Variants in HNF4G observed in about 807,000 individuals in gnomAD.
The protein encoded by HNF4G is hepatocyte nuclear factor 4-gamma.
A neutral mutation model predicts 50.9 loss-of-function variants in HNF4G; 21 were observed. The observed-to-expected ratio is 0.41, with a 90% CI of 0.29 to 0.59. The LOEUF (loss-of-function observed/expected upper bound fraction) is 0.59, where lower values mean the gene tolerates loss of function less well. HNF4G is among the 20% of genes least tolerant of loss of function. The pLI, the probability that HNF4G is intolerant of heterozygous loss-of-function variation, is 0.26. For missense variants in HNF4G, 527 were observed against 559.4 expected, an observed-to-expected ratio of 0.94 and a Z score of 0.58; for synonymous variants, 198 against 185.6, an observed-to-expected ratio of 1.07 and a Z score of -0.54.
At chr8:75,531,685 A>G (rs942394721) in intron 2 of HNF4G, among the ~76,000 whole-genome samples, 1 of 152,116 alleles carries the variant, frequency 6.6e-6, no homozygotes, top group Non-Finnish European at 1.5e-5. Flanking sequence ...GAAAAATAAT[A>G]AAATAATACA....
In HNF4G at chr8:75,466,406, T is replaced by C. The variant is rs1811973008; in HGVS notation, c.-143-23683T>C. 3.3e-5 allele frequency among the ~76,000 whole-genome samples: 5 copies of C among 152,114 alleles called. No homozygotes were observed. In the South Asian group the frequency reaches 1.0e-3, roughly 32 times the overall value. ...GTTTTATTAGACTGTGCTGCTGAATTTTACCTTCTATGGCATTTTTTTCAG... is the reference window on the plus strand; with the variant it reads ...GTTTTATTAGACTGTGCTGCTGAATCTTACCTTCTATGGCATTTTTTTCAG... On this transcript the variant is annotated intron_variant, in intron 1 of 10. Coordinates refer to the HNF4G transcript ENST00000354370.
chr8:75,434,662 AAAC>A (rs1017791544), intron 1 of HNF4G, among the ~76,000 whole-genome samples: 9 of 150,060 alleles, frequency 6.0e-5, no homozygotes, highest in Non-Finnish European at 1.0e-4. Flanking sequence ...TCCAGAACAC[AAAC>A]AACAAGGCCA....
intron 1 of HNF4G, among the ~76,000 whole-genome samples, chr8:75,413,472 G>A (rs1294705274): frequency 6.6e-6 from 1 of 151,538 alleles, no homozygotes; most frequent in African/African-American, 2.4e-5. Context: ...TAAGATGAAG[G>A]AGTGAGAGAG....
chr8:75,553,753 AC>A (rs1807036088), intron 5 of HNF4G, among the ~76,000 whole-genome samples: 1 of 152,132 alleles, frequency 6.6e-6, no homozygotes, highest in Non-Finnish European at 1.5e-5. Flanking sequence ...AAAAAGAAAA[AC>A]ATCTGTAGAA....
chr8:75,517,888 A>G (rs563011791), intron 2 of HNF4G, among the ~76,000 whole-genome samples: 3 of 152,074 alleles, frequency 2.0e-5, no homozygotes, highest in South Asian at 2.1e-4. Flanking sequence ...GAAGTTCTCC[A>G]TGAGGGTTCC....
chr8:75,415,995 C>T (rs1010438006), intron 1 of HNF4G, among the ~76,000 whole-genome samples: 1 of 152,054 alleles, frequency 6.6e-6, no homozygotes, highest in African/African-American at 2.4e-5. Flanking sequence ...GAATGGTTCA[C>T]AAAAATTTCA....
intron 1 of HNF4G, among the ~76,000 whole-genome samples, chr8:75,420,604 G>A (rs555884129): frequency 1.4e-4 from 21 of 152,190 alleles, no homozygotes; most frequent in Non-Finnish European, 5.9e-5. Context: ...ACCCTTCCCC[G>A]ATCTCCCACA....
chr8:75,531,391 C>A (rs1052905268), intron 2 of HNF4G, among the ~76,000 whole-genome samples: 1 of 151,888 alleles, frequency 6.6e-6, no homozygotes, highest in East Asian at 1.9e-4. Flanking sequence ...CATTTCAATA[C>A]AAGAGGTTAG....
At chr8:75,435,825 C>G (rs1811123186) in intron 1 of HNF4G, among the ~76,000 whole-genome samples, 1 of 152,118 alleles carries the variant, frequency 6.6e-6, no homozygotes, top group South Asian at 2.1e-4. Context: ...AGCTCCTGAC[C>G]TCAGGTGATC....
At chr8:75,557,627 C>A (rs2130811823) in intron 6 of HNF4G, among the ~76,000 whole-genome samples, 1 of 152,148 alleles carries the variant, frequency 6.6e-6, no homozygotes, top group Non-Finnish European at 1.5e-5. Context: ...AAAACACAAA[C>A]AAACAAACAA....
At chr8:75,463,183 T>C (rs1811893347) in intron 1 of HNF4G, among the ~76,000 whole-genome samples, 1 of 152,028 alleles carries the variant, frequency 6.6e-6, no homozygotes, top group South Asian at 2.1e-4. Context: ...TAATTTTCTG[T>C]ATTGTTGTTT....
At chr8:75,416,232 T>G (rs1810632155) in intron 1 of HNF4G, among the ~76,000 whole-genome samples, 1 of 152,202 alleles carries the variant, frequency 6.6e-6, no homozygotes, top group African/African-American at 2.4e-5. Flanking sequence ...TTCAGTATAT[T>G]CTGATTTCAT....
intron 2 of HNF4G, among the ~76,000 whole-genome samples, chr8:75,525,695 A>T (rs891310214): frequency 2.6e-5 from 4 of 152,206 alleles, no homozygotes; most frequent in African/African-American, 7.2e-5. Context: ...ATGTGACACA[A>T]AACGCACTCT....
chr8:75,526,105 A>AATGTATTT (rs1554577817), intron 2 of HNF4G, among the ~76,000 whole-genome samples: 1 of 143,728 alleles, frequency 7.0e-6, no homozygotes, highest in Non-Finnish European at 1.5e-5. Context: ...TACTTGCTCA[A>AATGTATTT]ATTTATTTAT....
At chr8:75,413,163 A>G (rs538266736) in intron 1 of HNF4G, among the ~76,000 whole-genome samples, 2 of 151,970 alleles carry the variant, frequency 1.3e-5, no homozygotes, top group South Asian at 2.1e-4. Flanking sequence ...CAAGGATTGG[A>G]CAATGTCTGC....
At chr8:75,448,693 T>A (rs759373762) in intron 1 of HNF4G, among the ~76,000 whole-genome samples, 22 of 151,992 alleles carry the variant, frequency 1.4e-4, no homozygotes, top group Non-Finnish European at 2.8e-4. Context: ...ATTCAGAAAA[T>A]TTTTAAAAAA....
At chr8:75,493,668 AAT>A (rs1348334800) in intron 2 of HNF4G, among the ~76,000 whole-genome samples, 2 of 152,084 alleles carry the variant, frequency 1.3e-5, no homozygotes, top group African/African-American at 2.4e-5. Flanking sequence ...CTATTTTTAC[AAT>A]AGTGTTTTAA....
chr8:75,546,769 C>A (rs1479811316), intron 2 of HNF4G, among the ~76,000 whole-genome samples: 2 of 152,076 alleles, frequency 1.3e-5, no homozygotes, highest in Admixed American at 1.3e-4. Context: ...TTTCTATTAT[C>A]AGTTGATAGG....
At chr8:75,533,266 CT>C (rs1311205992) in intron 2 of HNF4G, among the ~76,000 whole-genome samples, 1 of 151,986 alleles carries the variant, frequency 6.6e-6, no homozygotes, top group Non-Finnish European at 1.5e-5. Flanking sequence ...ATAGAACTTG[CT>C]TCTTAAAGCA....
Sources: allele counts gnomAD v4.1 joint callset (sites outside exome capture counted in the v4.1 genomes callset), GRCh38; gene constraint gnomAD v4.1.1; transcripts MANE v1.5; gene names NCBI Gene and HGNC (gene_info 2026-07-23, HGNC 2026-07-21).